The following CDH4 variants were observed in gnomAD, a reference collection of about 807,000 sequenced individuals.
CDH4 encodes the protein cadherin 4.
A neutral mutation model predicts 86.0 loss-of-function variants in CDH4; 33 were observed. The observed-to-expected ratio is 0.38, with a 90% CI of 0.29 to 0.51. The LOEUF (loss-of-function observed/expected upper bound fraction) is 0.51. CDH4 is among the 20% of genes least tolerant of loss of function. The pLI is 0.86. For synonymous variants in CDH4, 555 were observed against 549.4 expected, an observed-to-expected ratio of 1.01 and a Z score of -0.14; for missense variants, 1,114 against 1,307.4, an observed-to-expected ratio of 0.85 and a Z score of 2.28.
intron 2 of CDH4, among the ~76,000 whole-genome samples, chr20:61,686,511 G>T (rs1207178246): frequency 6.6e-6 from 1 of 151,746 alleles, no homozygotes; most frequent in Non-Finnish European, 1.5e-5. Flanking sequence ...GTGTATATGT[G>T]TGTGCATTCG....
In CDH4 at chr20:61,676,947, C is replaced by A. The variant is rs11204442; in HGVS notation, c.170-66616C>A. 1.3e-5 allele frequency among the ~76,000 whole-genome samples: 2 copies of A among 151,994 alleles called. No individual in the cohort carries two copies. Among genetic ancestry groups the A allele is most frequent in the African/African-American group, 4.8e-5 (2 of 41,388 alleles). On this transcript the variant is annotated intron_variant, in intron 2 of 15. Coordinates refer to ENST00000614565, the MANE Select transcript of CDH4 (RefSeq NM_001794.5). This position sits in a 1 kb window ranked among gnomAD's most constrained non-coding sequence, Gnocchi z 4.5. ...GTGGGCCAGGCTGCAGTGGGACCAG[C>A]GGTCCAAGACCTTGGGGCAGGAGGG...
At chr20:61,568,679 T>G (rs2086319152) in intron 2 of CDH4, among the ~76,000 whole-genome samples, 1 of 152,196 alleles carries the variant, frequency 6.6e-6, no homozygotes, top group African/African-American at 2.4e-5. Flanking sequence ...AGAACATGCT[T>G]CCCCACCCAG....
chr20:61,270,256 G>C (rs778435477), intron 2 of CDH4, among the ~76,000 whole-genome samples: 12 of 152,222 alleles, frequency 7.9e-5, no homozygotes, highest in Non-Finnish European at 1.3e-4. Flanking sequence ...CCTATTTAAT[G>C]CTTGGGCAGC....
chr20:61,935,915 C>T (rs191224352), intron 15 of CDH4, among the ~76,000 whole-genome samples: 4 of 152,104 alleles, frequency 2.6e-5, no homozygotes, highest in Non-Finnish European at 4.4e-5. Context: ...TAAATAAAGC[C>T]CACTGTTAGA....
intron 6 of CDH4, among the ~76,000 whole-genome samples, chr20:61,871,092 A>G (rs1983786689): frequency 1.3e-5 from 2 of 152,108 alleles, no homozygotes; most frequent in South Asian, 4.1e-4. Context: ...AGACAGAGAC[A>G]GAGCTCCTCA....
chr20:61,480,909 C>T lies in CDH4; in HGVS notation c.169+225972C>T, dbSNP rs1179160993. ...ATTGCCCTCACATGGATTTGTGCGA[C>T]CAAGATTATACAACTCGGATGCTAC... On this transcript the variant is annotated intron_variant, in intron 2 of 15. Coordinates refer to ENST00000614565, the MANE Select transcript of CDH4 (RefSeq NM_001794.5). The surrounding 1 kb of genome is among the most constrained non-coding windows in gnomAD (Gnocchi z 5.2). 6.6e-6 allele frequency among the ~76,000 whole-genome samples: 1 copy of T among 152,224 alleles called. No individual in the cohort carries two copies. The highest frequency in any genetic ancestry group is 1.5e-5 in the Non-Finnish European group (1 of 68,034).
At chr20:61,404,458 G>A (rs2085068496) in intron 2 of CDH4, among the ~76,000 whole-genome samples, 1 of 152,016 alleles carries the variant, frequency 6.6e-6, no homozygotes, top group Non-Finnish European at 1.5e-5. Context: ...GAAATATCCG[G>A]TGGCATTAAA....
intron 2 of CDH4, among the ~76,000 whole-genome samples, chr20:61,264,462 C>A (rs1008958871): frequency 3.3e-5 from 5 of 149,716 alleles, no homozygotes; most frequent in African/African-American, 1.2e-4. Context: ...CTACACATAC[C>A]CCAGTGGCTC....
At chr20:61,324,362 T>C (rs1004196944) in intron 2 of CDH4, among the ~76,000 whole-genome samples, 9 of 152,196 alleles carry the variant, frequency 5.9e-5, no homozygotes, top group Admixed American at 5.9e-4. Flanking sequence ...AGATCTCTTT[T>C]TCTCTTTCAG....
intron 2 of CDH4, among the ~76,000 whole-genome samples, chr20:61,507,142 C>T (rs768122399): frequency 6.6e-6 from 1 of 152,136 alleles, no homozygotes; most frequent in Non-Finnish European, 1.5e-5. Flanking sequence ...TCAGATGCAA[C>T]AACTAAAAAT....
intron 2 of CDH4, among the ~76,000 whole-genome samples, chr20:61,456,285 T>C (rs1003847027): frequency 2.9e-4 from 44 of 152,236 alleles, no homozygotes; most frequent in African/African-American, 9.4e-4. Flanking sequence ...TAGAATGTGT[T>C]GGCAACATGG....
At position 61,518,789 on chromosome 20, in the gene CDH4, A is replaced by G. The variant is rs749518261; in HGVS notation, c.170-224774A>G. 6.6e-6 allele frequency among the ~76,000 whole-genome samples: 1 copy of G among 150,714 alleles called. No homozygotes were observed. Among genetic ancestry groups the G allele is most frequent in the Admixed American group, 6.6e-5 (1 of 15,196 alleles). On this transcript the variant is annotated intron_variant, in intron 2 of 15. Coordinates refer to ENST00000614565, the MANE Select transcript of CDH4 (RefSeq NM_001794.5). The surrounding 1 kb of genome is among the most constrained non-coding windows in gnomAD (Gnocchi z 6.3). ...CCCATCATCCATCCTTTCATCCATC[A>G]TTCATTCATCCATCCACCCATCATC...
intron 2 of CDH4, among the ~76,000 whole-genome samples, chr20:61,675,303 CGT>C (rs2087434264): frequency 1.4e-5 from 2 of 138,094 alleles, no homozygotes; most frequent in African/African-American, 2.7e-5. Context: ...AAACAACCAT[CGT>C]AGGGGCTGAG....
chr20:61,703,573 C>G lies in CDH4; in HGVS notation c.170-39990C>G, dbSNP rs965394823. On this transcript the variant is annotated intron_variant, in intron 2 of 15. Coordinates refer to ENST00000614565, the MANE Select transcript of CDH4 (RefSeq NM_001794.5). This position sits in a 1 kb window ranked among gnomAD's most constrained non-coding sequence, Gnocchi z 4.3. ...GGGGATCAAAGCTCCTCGTCCCCAG[C>G]TTGTGTCCCTTCCCCGTCGCACCTC... 2.6e-5 allele frequency among the ~76,000 whole-genome samples: 4 copies of G among 152,186 alleles called. No individual in the cohort carries two copies. Among genetic ancestry groups the G allele is most frequent in the Non-Finnish European group, 1.5e-5 (1 of 68,020 alleles).
intron 2 of CDH4, among the ~76,000 whole-genome samples, chr20:61,474,778 A>G (rs926288656): frequency 6.6e-6 from 1 of 151,546 alleles, no homozygotes; most frequent in Non-Finnish European, 1.5e-5. Context: ...TATATGTTCT[A>G]TTAAGGAAAT....
intron 2 of CDH4, among the ~76,000 whole-genome samples, chr20:61,324,507 C>T (rs998837353): frequency 1.3e-5 from 2 of 152,116 alleles, no homozygotes; most frequent in Non-Finnish European, 2.9e-5. Context: ...CTCAGATGCT[C>T]CAGTATCTGC....
chr20:61,872,012 G>A (rs1983825037), intron 6 of CDH4, among the ~76,000 whole-genome samples: 1 of 152,148 alleles, frequency 6.6e-6, no homozygotes, highest in African/African-American at 2.4e-5. Context: ...TCTCTGCAGG[G>A]CTGCAGAGGG....
intron 4 of CDH4, among the ~76,000 whole-genome samples, chr20:61,797,037 G>A (rs1299476081): frequency 6.6e-6 from 1 of 151,880 alleles, no homozygotes; most frequent in African/African-American, 2.4e-5. Context: ...TGGGTGGCCG[G>A]GTAAGAGGGG....
At chr20:61,636,859 G>T (rs2086952367) in intron 2 of CDH4, among the ~76,000 whole-genome samples, 1 of 152,194 alleles carries the variant, frequency 6.6e-6, no homozygotes, top group Non-Finnish European at 1.5e-5. Context: ...CCACCAGGCT[G>T]CATGGAGGGC....
Sources: allele counts gnomAD v4.1 joint callset (sites outside exome capture counted in the v4.1 genomes callset), GRCh38; gene constraint gnomAD v4.1.1; non-coding constraint Gnocchi (gnomAD v3.1); transcripts MANE v1.5; gene names NCBI Gene and HGNC (gene_info 2026-07-23, HGNC 2026-07-21).